DCAF8L2: variants seen among roughly 807,000 people sequenced by gnomAD.
DCAF8L2 encodes the protein DDB1- and CUL4-associated factor 8-like protein 2.
For synonymous variants in DCAF8L2, 200 were observed against 190.9 expected, an observed-to-expected ratio of 1.05 and a Z score of -0.39; for missense variants, 430 against 490.7, an observed-to-expected ratio of 0.88 and a Z score of 1.17.
chrX:27,611,539 G>A (rs146072656), intron 1 of DCAF8L2, among the ~76,000 whole-genome samples: 2,753 of 109,436 alleles, frequency 0.025, 42 homozygotes, highest in Non-Finnish European at 0.035. Context: ...GGTTTGCTGC[G>A]CCCATTAACT....
chrX:27,703,459 G>A (rs1053637757), intron 3 of DCAF8L2, among the ~76,000 whole-genome samples: 1 of 111,648 alleles, frequency 9.0e-6, no homozygotes, highest in East Asian at 2.8e-4. Flanking sequence ...AGACAGTAAA[G>A]TTCTGGCATA....
chrX:27,616,137 A>AT (rs1343647739), intron 1 of DCAF8L2, among the ~76,000 whole-genome samples: 1 of 111,155 alleles, frequency 9.0e-6, no homozygotes, highest in Non-Finnish European at 1.9e-5. Flanking sequence ...TATTCTTCAA[A>AT]TAAAAAAATA....
At chrX:27,509,872 A>G in the DCAF8L2 span, among the ~76,000 whole-genome samples, 1 of 112,009 alleles carries the variant, frequency 8.9e-6, no homozygotes, top group Non-Finnish European at 1.9e-5. Context: ...TATGGAAGTC[A>G]TAATAATATC....
At chrX:27,633,110 A>T (rs1165055313) in intron 2 of DCAF8L2, 2 of 112,348 alleles carry the variant, frequency 1.8e-5, no homozygotes, top group Non-Finnish European at 3.8e-5. Flanking sequence ...TCTGTGAGTA[A>T]ACATACTTGA....
the DCAF8L2 span, among the ~76,000 whole-genome samples, chrX:27,529,884 A>C: frequency 8.9e-6 from 1 of 112,076 alleles, no homozygotes; most frequent in Non-Finnish European, 1.9e-5. Flanking sequence ...CTCATGGTAC[A>C]CAGAATTAAG....
intron 3 of DCAF8L2, among the ~76,000 whole-genome samples, chrX:27,689,670 A>C (rs1223412634): frequency 8.9e-6 from 1 of 112,891 alleles, no homozygotes; most frequent in East Asian, 2.8e-4. Flanking sequence ...TAGGAAGAAT[A>C]GGATACAGGC....
At chrX:27,580,079 C>G in the DCAF8L2 span, among the ~76,000 whole-genome samples, 1 of 110,217 alleles carries the variant, frequency 9.1e-6, no homozygotes, top group Non-Finnish European at 1.9e-5. Flanking sequence ...TTAATAAAAG[C>G]TTTTTTGGGT....
chrX:27,518,159 A>T, the DCAF8L2 span: 1 of 918,324 alleles, frequency 1.1e-6, no homozygotes, highest in Non-Finnish European at 1.6e-6. Flanking sequence ...TTAAAGGATG[A>T]AATATATTGC....
chrX:27,618,479 C>G (rs1046444886), intron 1 of DCAF8L2, among the ~76,000 whole-genome samples: 1 of 111,655 alleles, frequency 9.0e-6, no homozygotes, highest in African/African-American at 3.2e-5. Flanking sequence ...CGTTCATAGA[C>G]TTTTTAGGTG....
upstream of DCAF8L2, among the ~76,000 whole-genome samples, chrX:27,587,985 A>AATATATAT (rs202098791): frequency 6.7e-4 from 15 of 22,342 alleles, no homozygotes; most frequent in African/African-American, 7.9e-4. Flanking sequence ...TAAAAAAAAA[A>AATATATAT]ATATATATAT....
At chrX:27,588,280 T>C (rs1382636648), upstream of DCAF8L2, among the ~76,000 whole-genome samples, 1 of 109,916 alleles carries the variant, frequency 9.1e-6, no homozygotes, top group Non-Finnish European at 1.9e-5. Context: ...ATTAATTCAC[T>C]TAGGATAATG....
chrX:27,680,958 CAGGGATAACTTTGCTGA>C (rs1930304869), intron 3 of DCAF8L2, among the ~76,000 whole-genome samples: 1 of 111,771 alleles, frequency 8.9e-6, no homozygotes, highest in Non-Finnish European at 1.9e-5. Context: ...TGAAGTCATT[CAGGGATAACTTTGCTGA>C]AGCTTGGACT....
intron 1 of DCAF8L2, among the ~76,000 whole-genome samples, chrX:27,622,286 G>T (rs1290453461): frequency 2.3e-5 from 2 of 87,726 alleles, no homozygotes; most frequent in Non-Finnish European, 4.1e-5. Context: ...TTAGCCGGGC[G>T]TAGTGGCGGA....
the DCAF8L2 span, chrX:27,519,564 T>A: frequency 1.4e-6 from 1 of 690,761 alleles, no homozygotes; most frequent in Admixed American, 2.2e-5. Context: ...CTACCCTCTC[T>A]CCACCTCCAC....
the DCAF8L2 span, among the ~76,000 whole-genome samples, chrX:27,486,011 AT>A: frequency 0.012 from 1,016 of 81,597 alleles, 14 homozygotes; most frequent in African/African-American, 0.041. Flanking sequence ...TCCACTCTAG[AT>A]TTTTTTTTTT....
chrX:27,606,455 C>G (rs1010580653), intron 1 of DCAF8L2, among the ~76,000 whole-genome samples: 37 of 97,477 alleles, frequency 3.8e-4, no homozygotes, highest in African/African-American at 1.4e-3. Context: ...ACTGCAATCT[C>G]CATCTCCCAG....
intron 1 of DCAF8L2, among the ~76,000 whole-genome samples, chrX:27,622,475 CA>C (rs1927823309): frequency 9.0e-6 from 1 of 110,739 alleles, no homozygotes; most frequent in Non-Finnish European, 1.9e-5. Flanking sequence ...TCATTAGCAT[CA>C]TTACATGTAA....
At chrX:27,472,247 TC>T in the DCAF8L2 span, among the ~76,000 whole-genome samples, 1 of 111,895 alleles carries the variant, frequency 8.9e-6, no homozygotes, top group Non-Finnish European at 1.9e-5. Context: ...AATATATGTC[TC>T]CATAGATCTC....
At chrX:27,499,838 G>GC in the DCAF8L2 span, among the ~76,000 whole-genome samples, 5 of 96,792 alleles carry the variant, frequency 5.2e-5, no homozygotes, top group African/African-American at 7.1e-5. Flanking sequence ...TTTGGTGGTG[G>GC]GGGGGGGTAC....
Sources: allele counts gnomAD v4.1 joint callset (sites outside exome capture counted in the v4.1 genomes callset), GRCh38; gene constraint gnomAD v4.1.1; transcripts MANE v1.5; gene names NCBI Gene and HGNC (gene_info 2026-07-23, HGNC 2026-07-21).